Variants in CDK2AP1 observed in about 807,000 individuals in gnomAD.
The protein encoded by CDK2AP1 is cyclin-dependent kinase 2-associated protein 1.
In CDK2AP1, 10 loss-of-function variants were observed where a neutral mutation model predicts 14.1. The ratio of observed to expected loss-of-function variants is 0.71; its 90% CI spans 0.44 to 1.20. The LOEUF is 1.20. Ranked by LOEUF, CDK2AP1 falls within the 50% of genes most tolerant of loss-of-function variation. The pLI, the probability that CDK2AP1 is intolerant of heterozygous loss-of-function variation, is 0.00. For synonymous variants in CDK2AP1, 59 were observed against 59.8 expected, an observed-to-expected ratio of 0.99 and a Z score of 0.06; for missense variants, 102 against 149.9, an observed-to-expected ratio of 0.68 and a Z score of 1.67.
At chr12:123,270,111 C>T (rs746468565) in intron 1 of CDK2AP1, 161 of 535,036 alleles carry the variant, frequency 3.0e-4, no homozygotes, top group Non-Finnish European at 3.7e-4. Context: ...CAGCCTTGCC[C>T]AGGCTGGCAA....
chr12:123,270,040 C>T, intron 1 of CDK2AP1: 1 of 175,774 alleles, frequency 5.7e-6, no homozygotes, highest in Non-Finnish European at 1.1e-5. Context: ...CCTGTGACCC[C>T]AAACCCCGAG....
At chr12:123,268,113 A>G (rs955712858) in intron 1 of CDK2AP1, 7 of 868,518 alleles carry the variant, frequency 8.1e-6, no homozygotes, top group Non-Finnish European at 9.7e-6. Context: ...AGTGGCCATT[A>G]GCGGGTAAAG....
At chr12:123,268,321 G>A (rs1044227353) in intron 1 of CDK2AP1, 1 of 765,288 alleles carries the variant, frequency 1.3e-6, no homozygotes, top group Non-Finnish European at 1.6e-6. Context: ...TGTGGGTGAG[G>A]GGAGGGGCAG....
Position 123,265,364 on chromosome 12 carries a change from G to A in CDK2AP1, c.154-42C>T, listed in dbSNP as rs751429794. ...ATGGGTTCAGCAAAATCAGCCGGGCGTGGTGGTGCGTGCCTGTAGTCCCAG... is the reference window on the plus strand; with the variant it reads ...ATGGGTTCAGCAAAATCAGCCGGGCATGGTGGTGCGTGCCTGTAGTCCCAG... On this transcript the variant is annotated intron_variant, in intron 2 of 3. Transcript: ENST00000261692. This position sits in a 1 kb window ranked among gnomAD's most constrained non-coding sequence, Gnocchi z 5.3. The A allele has an allele frequency of 1.7e-4, 275 of 1,606,220 alleles. 1 individual carries two copies. The highest frequency in any genetic ancestry group is 6.6e-4 in the Middle Eastern group (4 of 6,050).
At chr12:123,270,289 A>G (rs2048342484) in intron 1 of CDK2AP1, 1 of 526,928 alleles carries the variant, frequency 1.9e-6, no homozygotes, top group South Asian at 8.3e-5. Context: ...CAAGTGAGCA[A>G]TTCAACTCTC....
At chr12:123,270,269 T>C (rs761201110) in intron 1 of CDK2AP1, 7 of 835,422 alleles carry the variant, frequency 8.4e-6, no homozygotes, top group Non-Finnish European at 1.0e-5. Flanking sequence ...TCTTTGGGAC[T>C]CCGAGCCCAC....
chr12:123,261,855 A>C, intron 3 of CDK2AP1, 52 bp from the exon 4 acceptor site: 1 of 1,258,458 alleles, frequency 7.9e-7, no homozygotes, highest in Non-Finnish European at 1.2e-6. Context: ...ACCAGCCAGC[A>C]AAGCCCATTC....
At chr12:123,262,583 A>G (rs2048244615) in intron 3 of CDK2AP1, among the ~76,000 whole-genome samples, 1 of 152,048 alleles carries the variant, frequency 6.6e-6, no homozygotes, top group Non-Finnish European at 1.5e-5. Context: ...TACTTCACTC[A>G]AATTTTTTTT....
At position 123,267,093 on chromosome 12, in the gene CDK2AP1, C is replaced by G. The variant is rs1025352629; in HGVS notation, c.153+92G>C. 22 of 830,216 alleles carry G rather than the reference C, an allele frequency of 2.6e-5. No individual in the cohort carries two copies. In the African/African-American group the frequency reaches 3.2e-4, roughly 12 times the overall value. The allele number at this position is 830,216 out of a possible 1,614,324, so 51.4% of individuals were successfully genotyped here. A position where few individuals can be genotyped will look rare whatever the true frequency, so the allele number is the denominator to read the frequency against. On this transcript the variant is annotated intron_variant, in intron 2 of 3. Coordinates refer to ENST00000261692, the MANE Select transcript of CDK2AP1 (RefSeq NM_004642.4). The stretch of plus-strand genomic sequence containing the variant: ...AAAGCTCCGTCCCATCCTTTCTGCT[C>G]CTTCGTCTCTTCCACCAACTTCTCT...
intron 2 of CDK2AP1, 38 bp downstream of exon 2, chr12:123,267,147 C>G: frequency 8.6e-7 from 1 of 1,164,002 alleles, no homozygotes; most frequent in South Asian, 1.2e-5. Context: ...ATGTCTCCCC[C>G]TGGCCCTCCC....
At chr12:123,262,355 T>A (rs992070485) in intron 3 of CDK2AP1, 2 of 152,426 alleles carry the variant, frequency 1.3e-5, no homozygotes, top group African/African-American at 2.4e-5. Flanking sequence ...ACCTTTTTTT[T>A]CTTTCTGCCT....
At chr12:123,264,963 G>C (rs990062807) in intron 3 of CDK2AP1, among the ~76,000 whole-genome samples, 1 of 152,084 alleles carries the variant, frequency 6.6e-6, no homozygotes, top group African/African-American at 2.4e-5. Context: ...CTCCCTGCCT[G>C]GGCTGCCCTT....
intron 1 of CDK2AP1, among the ~76,000 whole-genome samples, chr12:123,271,326 G>A (rs985751535): frequency 6.8e-6 from 1 of 147,006 alleles, no homozygotes; most frequent in African/African-American, 2.4e-5. Context: ...CGGCGCGGGG[G>A]TCACCCCGGG....
chr12:123,261,149 C>CG lies in CDK2AP1; in HGVS notation c.*586dup, dbSNP rs2048228200. On this transcript the variant is annotated 3_prime_UTR_variant, in exon 4 of 4. Transcript: ENST00000261692. ...CTTACAGTCTTAGTATGAAAGTGTT[C>CG]GGGGGTCCTTGTTAGGTTTGGTGGG... 1 of 152,524 alleles carries CG rather than the reference C, an allele frequency of 6.6e-6. No homozygotes were observed. Among genetic ancestry groups the CG allele is most frequent in the South Asian group, 2.1e-4 (1 of 4,836 alleles). The allele number at this position is 152,524 out of a possible 1,614,324, so 9.4% of individuals were successfully genotyped here.
intron 1 of CDK2AP1, chr12:123,268,082 G>T: frequency 4.4e-6 from 3 of 678,248 alleles, no homozygotes; most frequent in Non-Finnish European, 5.5e-6. Context: ...CTAGGAGCAC[G>T]CGGCCCCGCA....
chr12:123,264,456 G>A (rs558713883), intron 3 of CDK2AP1, among the ~76,000 whole-genome samples: 596 of 37,678 alleles, frequency 0.016, 4 homozygotes, highest in Non-Finnish European at 0.024. Flanking sequence ...GTAAAACTCC[G>A]TCTCCCAAAA....
At chr12:123,261,898 C>G in intron 3 of CDK2AP1, 95 bp from the exon 4 acceptor site, 2 of 861,526 alleles carry the variant, frequency 2.3e-6, no homozygotes, top group Non-Finnish European at 4.0e-6. Context: ...CTTCCACAGC[C>G]TGTCCACAAA....
chr12:123,267,142 T>C, intron 2 of CDK2AP1, 43 bp downstream of exon 2: 3 of 1,102,982 alleles, frequency 2.7e-6, no homozygotes, highest in Non-Finnish European at 2.8e-6. Context: ...GAAGCATGTC[T>C]CCCCCTGGCC....
intron 1 of CDK2AP1, among the ~76,000 whole-genome samples, chr12:123,269,815 G>A (rs1163148284): frequency 6.6e-6 from 1 of 152,164 alleles, no homozygotes; most frequent in African/African-American, 2.4e-5. Flanking sequence ...CGGAGGAGCA[G>A]CGGCGGCAGC....
Sources: allele counts gnomAD v4.1 joint callset (sites outside exome capture counted in the v4.1 genomes callset), GRCh38; gene constraint gnomAD v4.1.1; non-coding constraint Gnocchi (gnomAD v3.1); transcripts MANE v1.5; gene names NCBI Gene and HGNC (gene_info 2026-07-23, HGNC 2026-07-21).